The following RAMP3 variants were observed in gnomAD, a reference collection of about 807,000 sequenced individuals.
RAMP3 encodes the protein receptor activity modifying protein 3.
A neutral mutation model predicts 13.5 loss-of-function variants in RAMP3; 14 were observed. The ratio of observed to expected loss-of-function variants is 1.04; its 90% CI spans 0.69 to 1.63. The LOEUF (loss-of-function observed/expected upper bound fraction) is 1.63. Ranked by LOEUF, RAMP3 falls within the 40% of genes most tolerant of loss-of-function variation. The probability of loss-of-function intolerance (pLI) is 0.00; values close to 1 mark genes in which losing one functional copy is unlikely to be tolerated. For synonymous variants in RAMP3, 106 were observed against 88.3 expected (o/e 1.20, Z -1.12); for missense variants, 200 against 204.8 (o/e 0.98, Z 0.14).
At chr7:45,162,718 G>C in intron 1 of RAMP3, among the ~76,000 whole-genome samples, 1 of 152,200 alleles carries the variant, frequency 6.6e-6, no homozygotes, top group East Asian at 1.9e-4. Flanking sequence ...TGGAGAGCCT[G>C]GCTGAAGGGA....
At chr7:45,174,771 C>T (rs1429211073) in intron 1 of RAMP3, among the ~76,000 whole-genome samples, 1 of 152,190 alleles carries the variant, frequency 6.6e-6, no homozygotes, top group Admixed American at 6.5e-5. Flanking sequence ...AGTCACTCCC[C>T]TAGTTGGACT....
chr7:45,168,715 C>G (rs950524216), intron 1 of RAMP3, among the ~76,000 whole-genome samples: 1 of 152,302 alleles, frequency 6.6e-6, no homozygotes, highest in South Asian at 2.1e-4. Flanking sequence ...ATCGTGTCAT[C>G]TGTGATAGAG....
chr7:45,171,992 A>G (rs1419736101), intron 1 of RAMP3, among the ~76,000 whole-genome samples: 1 of 152,236 alleles, frequency 6.6e-6, no homozygotes, highest in Non-Finnish European at 1.5e-5. Flanking sequence ...GGGACACTGT[A>G]GTTCCTGATT....
intron 1 of RAMP3, among the ~76,000 whole-genome samples, chr7:45,172,821 C>A (rs1021981031): frequency 6.6e-6 from 1 of 152,148 alleles, no homozygotes; most frequent in East Asian, 1.9e-4. Flanking sequence ...TTTGCTCCTG[C>A]GGGGGCCTGT....
At chr7:45,179,889 T>G (rs1786268606) in intron 2 of RAMP3, among the ~76,000 whole-genome samples, 1 of 151,936 alleles carries the variant, frequency 6.6e-6, no homozygotes, top group African/African-American at 2.4e-5. Flanking sequence ...AGGAAAAAAA[T>G]GAGCTCTAGG....
chr7:45,171,865 T>A (rs1192050916), intron 1 of RAMP3, among the ~76,000 whole-genome samples: 1 of 152,270 alleles, frequency 6.6e-6, no homozygotes, highest in African/African-American at 2.4e-5. Context: ...TATCTGTCTC[T>A]TCTTACAGCC....
intron 2 of RAMP3, among the ~76,000 whole-genome samples, 177 bp from the exon 3 acceptor site, chr7:45,182,980 G>A (rs531029091): frequency 6.6e-6 from 1 of 152,302 alleles, no homozygotes; most frequent in African/African-American, 2.4e-5. Flanking sequence ...CACAGGGAAT[G>A]GGTCATGGGC....
intron 2 of RAMP3, among the ~76,000 whole-genome samples, chr7:45,178,313 C>T (rs751612520): frequency 2.0e-5 from 3 of 152,190 alleles, no homozygotes; most frequent in Non-Finnish European, 4.4e-5. Context: ...GGAAATTGCT[C>T]ATGGCCTCAC....
At chr7:45,181,629 G>A (rs1268139973) in intron 2 of RAMP3, among the ~76,000 whole-genome samples, 3 of 152,180 alleles carry the variant, frequency 2.0e-5, no homozygotes, top group Admixed American at 6.5e-5. Context: ...GTTGTTAGAC[G>A]GCTCCCCAGC....
chr7:45,177,663 C>A (rs1786220592), intron 2 of RAMP3, among the ~76,000 whole-genome samples: 1 of 152,148 alleles, frequency 6.6e-6, no homozygotes, highest in Admixed American at 6.5e-5. Flanking sequence ...TCTGGCCACC[C>A]CACCCACATC....
Position 45,183,643 on chromosome 7 carries a change from G to A in RAMP3, c.*231G>A. 2 of 621,510 alleles carry A rather than the reference G, an allele frequency of 3.2e-6. No individual in the cohort carries two copies. Among genetic ancestry groups the A allele is most frequent in the Non-Finnish European group, 5.6e-6 (2 of 356,672 alleles). 38.5% of individuals were successfully genotyped at this position (621,510 alleles called of 1,614,324 possible). A position where few individuals can be genotyped will look rare whatever the true frequency, so the allele number is the denominator to read the frequency against. ...TTTGCTCATTCTAGGGCCAGTGGAG[G>A]AAAATGTGATAAGGCCAGAGCTTGT... On this transcript the variant is annotated 3_prime_UTR_variant, in exon 3 of 3. Transcript: ENST00000242249.
At position 45,184,211 on chromosome 7, in the gene RAMP3, A is replaced by T. The variant is rs143961731; in HGVS notation, c.*799A>T. ...GAGCTTGTGGCCTCTATCTGCTACC[A>T]TCTGTGTTTTATCTGAGTAAAGTTA... On this transcript the variant is annotated 3_prime_UTR_variant, in exon 3 of 3. Coordinates refer to ENST00000242249, the MANE Select transcript of RAMP3 (RefSeq NM_005856.3). 4.7e-4 allele frequency: 188 copies of T among 398,530 alleles called. No homozygotes were observed. The East Asian group carries it at 6.0e-3, about 13-fold the overall frequency. The allele number at this position is 398,530 out of a possible 1,614,324, so 24.7% of individuals were successfully genotyped here.
rs927320098 is a variant in RAMP3, at chr7:45,183,910, C to T, written c.*498C>T. On this transcript the variant is annotated 3_prime_UTR_variant, in exon 3 of 3. Coordinates refer to ENST00000242249, the MANE Select transcript of RAMP3 (RefSeq NM_005856.3). The stretch of plus-strand genomic sequence containing the variant: ...AAGATAGGCAGGGGCTCTTGGAAGA[C>T]GTTCCGTGCTGTGACCTCCGAGCCC... 5 of 426,080 alleles carry T rather than the reference C, an allele frequency of 1.2e-5. No individual in the cohort carries two copies. Among genetic ancestry groups the T allele is most frequent in the South Asian group, 9.9e-5 (1 of 10,060 alleles). The allele number at this position is 426,080 out of a possible 1,614,324, so 26.4% of individuals were successfully genotyped here. A position where few individuals can be genotyped will look rare whatever the true frequency, so the allele number is the denominator to read the frequency against.
chr7:45,166,088 G>A (rs576824622), intron 1 of RAMP3, among the ~76,000 whole-genome samples: 2 of 152,178 alleles, frequency 1.3e-5, no homozygotes, highest in East Asian at 1.9e-4. Flanking sequence ...GAAACTGCTA[G>A]ACTAGTTTCC....
At chr7:45,171,441 C>G (rs940249955) in intron 1 of RAMP3, among the ~76,000 whole-genome samples, 4 of 152,172 alleles carry the variant, frequency 2.6e-5, no homozygotes, top group Admixed American at 2.6e-4. Context: ...CAGGCGTGAG[C>G]CACCACGCTC....
rs780180983 is a variant in RAMP3, at chr7:45,183,332, A to G, written c.367A>G (p.Ile123Val). Residue 123 changes from isoleucine to valine, a missense_variant, in exon 3 of 3, where the codon ATC becomes GTC. Physicochemically the swap from Ile to Val is conservative, Grantham distance 29. Coordinates refer to ENST00000242249, the MANE Select transcript of RAMP3 (RefSeq NM_005856.3). ...CCCAGACGAGGTTCTCATCCCGCTG[A>G]TCGTTATACCCGTCGTTCTGACTGT... Reference protein sequence around the residue: ...DPPDEVLIPLIVIPVVLTVAM... With the variant: ...DPPDEVLIPLVVIPVVLTVAM... 2.5e-6 allele frequency: 4 copies of G among 1,614,030 alleles called. No individual in the cohort carries two copies. The highest frequency in any genetic ancestry group is 3.4e-6 in the Non-Finnish European group (4 of 1,180,026).
intron 1 of RAMP3, among the ~76,000 whole-genome samples, chr7:45,158,695 T>C (rs1785810759): frequency 6.6e-6 from 1 of 152,294 alleles, no homozygotes; most frequent in East Asian, 1.9e-4. Context: ...TGGAGGGCCC[T>C]GGCCTGGTGG....
intron 1 of RAMP3, among the ~76,000 whole-genome samples, chr7:45,162,679 C>T (rs969903966): frequency 3.3e-5 from 5 of 152,184 alleles, no homozygotes; most frequent in African/African-American, 1.2e-4. Flanking sequence ...ACAGGGCATT[C>T]AGGGAGCACT....
intron 1 of RAMP3, among the ~76,000 whole-genome samples, chr7:45,174,135 G>A (rs1786133379): frequency 6.6e-6 from 1 of 152,144 alleles, no homozygotes; most frequent in Non-Finnish European, 1.5e-5. Context: ...AGGGTCTTGG[G>A]TACCGTGGGT....
Sources: gnomAD v4.1 joint callset for allele counts (sites outside exome capture counted in the v4.1 genomes callset) on GRCh38, gnomAD v4.1.1 for gene constraint, MANE v1.5 for transcripts, NCBI Gene and HGNC (gene_info 2026-07-23, HGNC 2026-07-21) for gene names.